The following DNAJC5 variants were observed in gnomAD, a reference collection of about 807,000 sequenced individuals.
DNAJC5 encodes dnaJ homolog subfamily C member 5.
In DNAJC5, 1 loss-of-function variant was observed where a neutral mutation model predicts 23.2. The ratio of observed to expected loss-of-function variants is 0.04; its 90% CI spans 0.02 to 0.20. The LOEUF (loss-of-function observed/expected upper bound fraction) is 0.20, where lower values mean the gene tolerates loss of function less well. Ranked by LOEUF, DNAJC5 falls within the 10% of genes least tolerant of loss-of-function variation. The probability of loss-of-function intolerance (pLI) is 1.00; values close to 1 mark genes in which losing one functional copy is unlikely to be tolerated. For missense variants in DNAJC5, 180 were observed against 267.0 expected (o/e 0.67, Z 2.27); for synonymous variants, 136 against 120.0 (o/e 1.13, Z -0.87).
At chr20:63,919,447 T>G (rs1394286214) in intron 1 of DNAJC5, 1 of 496,504 alleles carries the variant, frequency 2.0e-6, no homozygotes, top group African/African-American at 2.1e-5. Flanking sequence ...CACACCCGGC[T>G]GTGTGGACAT....
intron 1 of DNAJC5, among the ~76,000 whole-genome samples, chr20:63,902,894 G>T (rs1482605036): frequency 1.4e-5 from 2 of 144,862 alleles, no homozygotes; most frequent in Admixed American, 6.9e-5. Context: ...AGCCAGGATG[G>T]TCTCGATCTC....
intron 1 of DNAJC5, among the ~76,000 whole-genome samples, chr20:63,906,360 G>A (rs1034762122): frequency 1.3e-5 from 2 of 152,034 alleles, no homozygotes; most frequent in African/African-American, 2.4e-5. Flanking sequence ...GTGTGGTGCA[G>A]GCACCTGTAA....
At chr20:63,900,145 T>C (rs1403748628) in intron 1 of DNAJC5, among the ~76,000 whole-genome samples, 1 of 151,898 alleles carries the variant, frequency 6.6e-6, no homozygotes, top group East Asian at 1.9e-4. Flanking sequence ...CACTTTGGCC[T>C]CCCAAAGTGC....
intron 1 of DNAJC5, among the ~76,000 whole-genome samples, chr20:63,924,885 C>T (rs1298583982): frequency 6.6e-6 from 1 of 152,246 alleles, no homozygotes; most frequent in Admixed American, 6.5e-5. Context: ...TGGCGTGCCC[C>T]AACTCACCTG....
At chr20:63,903,060 T>C (rs572147776) in intron 1 of DNAJC5, among the ~76,000 whole-genome samples, 8 of 151,816 alleles carry the variant, frequency 5.3e-5, no homozygotes, top group African/African-American at 1.9e-4. Flanking sequence ...CTCACTGCAT[T>C]CTCCCAGGCC....
chr20:63,913,831 G>A (rs1301822002), intron 1 of DNAJC5, among the ~76,000 whole-genome samples: 1 of 152,182 alleles, frequency 6.6e-6, no homozygotes, highest in African/African-American at 2.4e-5. Context: ...CGCCCACCTT[G>A]GCCTCCCAAA....
intron 1 of DNAJC5, among the ~76,000 whole-genome samples, chr20:63,927,613 G>A (rs2053627581): frequency 6.6e-6 from 1 of 152,178 alleles, no homozygotes; most frequent in South Asian, 2.1e-4. Context: ...GGTCATGGTG[G>A]TTGATAGTGT....
chr20:63,904,714 C>T (rs188398918), intron 1 of DNAJC5, among the ~76,000 whole-genome samples: 99 of 152,330 alleles, frequency 6.5e-4, no homozygotes, highest in Non-Finnish European at 9.3e-4. Flanking sequence ...TGACAGCTGC[C>T]TCCCAGTAAA....
intron 1 of DNAJC5, among the ~76,000 whole-genome samples, chr20:63,922,769 CCAAA>C (rs370462374): frequency 8.4e-4 from 127 of 152,090 alleles, no homozygotes; most frequent in South Asian, 7.9e-3. Context: ...GACCCTGTCT[CCAAA>C]CAAACAAAAA....
At chr20:63,902,858 TA>T (rs2053423458) in intron 1 of DNAJC5, among the ~76,000 whole-genome samples, 1 of 149,842 alleles carries the variant, frequency 6.7e-6, no homozygotes, top group Admixed American at 6.7e-5. Flanking sequence ...TTTGTATTTT[TA>T]GTAGAGACGG....
intron 1 of DNAJC5, among the ~76,000 whole-genome samples, chr20:63,898,914 G>T (rs1387421174): frequency 6.6e-6 from 1 of 152,122 alleles, no homozygotes; most frequent in Non-Finnish European, 1.5e-5. Context: ...GAACGTTCTC[G>T]TGCCACAAAG....
chr20:63,912,933 CAG>C (rs1293653948), intron 1 of DNAJC5, among the ~76,000 whole-genome samples: 3 of 152,094 alleles, frequency 2.0e-5, no homozygotes, highest in Non-Finnish European at 2.9e-5. Flanking sequence ...TGGTTCATCA[CAG>C]ATTTTAAATT....
chr20:63,907,082 C>G (rs1234667767), intron 1 of DNAJC5, among the ~76,000 whole-genome samples: 1 of 152,124 alleles, frequency 6.6e-6, no homozygotes, highest in African/African-American at 2.4e-5. Context: ...TAGTGAGACT[C>G]TGTCTCTAAA....
chr20:63,926,488 A>G (rs2053617364), intron 1 of DNAJC5, among the ~76,000 whole-genome samples: 2 of 152,226 alleles, frequency 1.3e-5, no homozygotes, highest in South Asian at 2.1e-4. Flanking sequence ...AACGTGTTGT[A>G]CTAGTCAGCA....
intron 1 of DNAJC5, among the ~76,000 whole-genome samples, chr20:63,910,757 C>G (rs969019382): frequency 6.6e-6 from 1 of 151,596 alleles, no homozygotes; most frequent in African/African-American, 2.4e-5. Context: ...AGTGCAACCT[C>G]TGCCTCCCAG....
At chr20:63,900,651 C>T (rs1006300583) in intron 1 of DNAJC5, among the ~76,000 whole-genome samples, 4 of 150,660 alleles carry the variant, frequency 2.7e-5, no homozygotes, top group African/African-American at 9.8e-5. Context: ...CCTGCATATG[C>T]CACAATTTAA....
In DNAJC5 at chr20:63,896,258, T is replaced by TA. The variant is rs977025301; in HGVS notation, c.-12+942dup. 1.1e-4 allele frequency among the ~76,000 whole-genome samples: 17 copies of TA among 152,312 alleles called. 1 individual carries two copies. The highest frequency in any genetic ancestry group is 3.6e-4 in the African/African-American group (15 of 41,564). On this transcript the variant is annotated intron_variant, in intron 1 of 4. Coordinates refer to ENST00000360864, the MANE Select transcript of DNAJC5 (RefSeq NM_025219.3). ...ATGTTCGTTTATTTGCTTCTCTTTT[T>TA]AAAAAAATGTCAGCTGAGTTTCAGG...
intron 1 of DNAJC5, among the ~76,000 whole-genome samples, chr20:63,923,043 C>T (rs1363689020): frequency 4.6e-5 from 7 of 151,646 alleles, no homozygotes; most frequent in East Asian, 1.9e-4. Flanking sequence ...CAGGAGGCTA[C>T]GGCAGGAGAA....
At chr20:63,913,555 C>A (rs899841128) in intron 1 of DNAJC5, among the ~76,000 whole-genome samples, 1 of 151,734 alleles carries the variant, frequency 6.6e-6, no homozygotes, top group African/African-American at 2.4e-5. Flanking sequence ...CACTACCATA[C>A]CTGGCTGATT....
Sources: gnomAD v4.1 joint callset for allele counts (sites outside exome capture counted in the v4.1 genomes callset) on GRCh38, gnomAD v4.1.1 for gene constraint, MANE v1.5 for transcripts, NCBI Gene and HGNC (gene_info 2026-07-23, HGNC 2026-07-21) for gene names.